Variants in SGCD observed in about 807,000 individuals in gnomAD.
SGCD encodes delta-sarcoglycan.
A neutral mutation model predicts 36.6 loss-of-function variants in SGCD; 18 were observed. The ratio of observed to expected loss-of-function variants is 0.49; its 90% CI spans 0.34 to 0.73. The LOEUF is 0.73. SGCD is among the 30% of genes least tolerant of loss of function. The probability of loss-of-function intolerance (pLI) is 0.01; values close to 1 mark genes in which losing one functional copy is unlikely to be tolerated. For synonymous variants in SGCD, 133 were observed against 130.6 expected (o/e 1.02, Z -0.12); for missense variants, 387 against 346.7 (o/e 1.12, Z -0.92).
intron 4 of SGCD, among the ~76,000 whole-genome samples, chr5:156,525,578 A>T (rs1757612985): frequency 6.6e-6 from 1 of 151,236 alleles, no homozygotes; most frequent in South Asian, 2.1e-4. Context: ...TTTTAGTTTC[A>T]TGTAGTCCTA....
At chr5:156,543,844 G>A (rs1758452311) in intron 4 of SGCD, among the ~76,000 whole-genome samples, 1 of 152,186 alleles carries the variant, frequency 6.6e-6, no homozygotes, top group South Asian at 2.1e-4. Context: ...ATTCTCCTGT[G>A]ATTGTAGGGA....
chr5:155,780,212 T>C, the SGCD span, among the ~76,000 whole-genome samples: 1 of 152,164 alleles, frequency 6.6e-6, no homozygotes, highest in Non-Finnish European at 1.5e-5. Context: ...CACCAAGTTC[T>C]TTCCCCTAAA....
intron 6 of SGCD, among the ~76,000 whole-genome samples, chr5:156,608,962 G>C (rs1206813422): frequency 1.3e-5 from 2 of 152,190 alleles, no homozygotes; most frequent in South Asian, 2.1e-4. Context: ...TGGGTTTCCT[G>C]AATACAGCAC....
chr5:156,263,648 G>A (rs2127666271), intron 3 of SGCD, among the ~76,000 whole-genome samples: 1 of 152,016 alleles, frequency 6.6e-6, no homozygotes, highest in East Asian at 1.9e-4. Context: ...TTGGATTTTT[G>A]GTAATGAAGT....
At chr5:156,448,234 A>C (rs1753831917) in intron 3 of SGCD, among the ~76,000 whole-genome samples, 1 of 152,150 alleles carries the variant, frequency 6.6e-6, no homozygotes. Context: ...TCTCTTACCC[A>C]AAATGCCTCC....
intron 6 of SGCD, among the ~76,000 whole-genome samples, chr5:156,637,091 G>A (rs1181660494): frequency 6.6e-6 from 1 of 152,044 alleles, no homozygotes; most frequent in African/African-American, 2.4e-5. Context: ...AATCATGAGG[G>A]CAGTTAACTC....
chr5:155,769,238 C>CA, the SGCD span, among the ~76,000 whole-genome samples: 23 of 151,956 alleles, frequency 1.5e-4, no homozygotes, highest in South Asian at 1.5e-3. Flanking sequence ...ACAAAGTATG[C>CA]TAGAATGTAT....
chr5:156,192,713 A>C (rs1299421608), intron 3 of SGCD, among the ~76,000 whole-genome samples: 1 of 151,684 alleles, frequency 6.6e-6, no homozygotes, highest in Non-Finnish European at 1.5e-5. Context: ...CATTCTATGC[A>C]TGTAACAAAA....
chr5:156,340,674 T>C (rs1379714784), intron 2 of SGCD, among the ~76,000 whole-genome samples: 1 of 152,220 alleles, frequency 6.6e-6, no homozygotes, highest in Non-Finnish European at 1.5e-5. Context: ...ATTGTATGAC[T>C]ATTGTCATGA....
intron 4 of SGCD, among the ~76,000 whole-genome samples, chr5:156,539,952 G>A (rs1001844084): frequency 6.6e-6 from 1 of 152,102 alleles, no homozygotes; most frequent in Non-Finnish European, 1.5e-5. Context: ...ATGTGAATAC[G>A]AGTTCATGGA....
chr5:156,251,921 T>C (rs1433137914), intron 3 of SGCD, among the ~76,000 whole-genome samples: 3 of 152,234 alleles, frequency 2.0e-5, no homozygotes, highest in East Asian at 3.8e-4. Context: ...GACCATAGTT[T>C]ACTTAACTTT....
intron 3 of SGCD, among the ~76,000 whole-genome samples, chr5:156,481,665 AT>A: frequency 6.6e-6 from 1 of 152,168 alleles, no homozygotes; most frequent in Non-Finnish European, 1.5e-5. Flanking sequence ...CCCCCACAGG[AT>A]TTTAGGGAAG....
At chr5:155,828,566 G>C in the SGCD span, among the ~76,000 whole-genome samples, 109 of 152,258 alleles carry the variant, frequency 7.2e-4, no homozygotes, top group Middle Eastern at 3.4e-3. Flanking sequence ...TCACCTTGAA[G>C]CCAGCTGACT....
At chr5:156,171,476 T>C (rs1290643563) in intron 3 of SGCD, among the ~76,000 whole-genome samples, 2 of 152,234 alleles carry the variant, frequency 1.3e-5, no homozygotes, top group African/African-American at 4.8e-5. Flanking sequence ...ATACTAAATA[T>C]AATGTGTTAT....
chr5:155,976,083 T>A lies in SGCD; in HGVS notation c.-282+105659T>A, dbSNP rs558381131. Among the ~76,000 whole-genome samples, 282 of 152,282 alleles carry A rather than the reference T, an allele frequency of 1.9e-3. 1 individual carries two copies. Among genetic ancestry groups the A allele is most frequent in the African/African-American group, 6.6e-3 (276 of 41,552 alleles). ...TAAACATACAAAACAGTACTATATA[T>A]TTTTATGGACATTTATATATGCAGT... is the stretch of plus-strand genomic sequence containing the variant. On this transcript the variant is annotated intron_variant, in intron 1 of 9. Coordinates refer to the SGCD transcript ENST00000517913.
chr5:156,494,640 C>T (rs947704194), intron 3 of SGCD, among the ~76,000 whole-genome samples: 1 of 152,202 alleles, frequency 6.6e-6, no homozygotes, highest in African/African-American at 2.4e-5. Flanking sequence ...CCCTGCTTAA[C>T]GTATTCCATT....
At chr5:156,318,528 T>C (rs576098557) in intron 3 of SGCD, among the ~76,000 whole-genome samples, 2 of 152,122 alleles carry the variant, frequency 1.3e-5, no homozygotes, top group South Asian at 2.1e-4. Context: ...CTTTATTCAG[T>C]GCTTGAATGA....
At chr5:156,477,325 A>T (rs984830443) in intron 3 of SGCD, among the ~76,000 whole-genome samples, 3 of 152,328 alleles carry the variant, frequency 2.0e-5, no homozygotes, top group Middle Eastern at 3.4e-3. Flanking sequence ...TCTTCCAAGT[A>T]CAATATAACC....
chr5:156,540,895 G>T (rs558088293), intron 4 of SGCD, among the ~76,000 whole-genome samples: 2 of 152,108 alleles, frequency 1.3e-5, no homozygotes, highest in African/African-American at 4.8e-5. Flanking sequence ...TTTTTTAAAA[G>T]ATAAACATTT....
Sources: allele counts gnomAD v4.1 joint callset (sites outside exome capture counted in the v4.1 genomes callset), GRCh38; gene constraint gnomAD v4.1.1; transcripts MANE v1.5; gene names NCBI Gene and HGNC (gene_info 2026-07-23, HGNC 2026-07-21).